ZNF782: variants seen among roughly 807,000 people sequenced by gnomAD.
ZNF782 encodes zinc finger protein 782.
ZNF782 carries 12 observed loss-of-function variants against 13.0 expected under a neutral mutation model. The observed-to-expected ratio is 0.92, with a 90% confidence interval of 0.59 to 1.50. The LOEUF is 1.50. ZNF782 is among the 40% of genes most tolerant of loss of function. The pLI is 0.00. For missense variants in ZNF782, 770 were observed against 822.9 expected (o/e 0.94, Z 0.79); for synonymous variants, 284 against 283.0 (o/e 1.00, Z -0.04).
chr9:96,880,119 T>C (rs549204549), upstream of ZNF782, among the ~76,000 whole-genome samples: 2 of 152,280 alleles, frequency 1.3e-5, no homozygotes, highest in African/African-American at 2.4e-5. Flanking sequence ...ATGGTTGATA[T>C]TTATGTGTTG....
chr9:96,819,250 A>C lies in ZNF782; in HGVS notation c.773T>G (p.Phe258Cys). 1 of 1,612,548 alleles carries C rather than the reference A, an allele frequency of 6.2e-7. No homozygotes were observed. Among genetic ancestry groups the C allele is most frequent in the Non-Finnish European group, 8.5e-7 (1 of 1,179,642 alleles). The change falls in exon 6 of 6, where the codon TTT becomes TGT. Residue 258 changes from phenylalanine (F) to cysteine (C), a missense_variant. Physicochemically the swap from Phe to Cys is radical, Grantham distance 205 (BLOSUM62 -2). Coordinates refer to ENST00000481138, the MANE Select transcript of ZNF782 (RefSeq NM_001001662.3). ...TGGATTCATGTTCTGAGGAATAATA[A>C]AGGTTGATTTATCATATTTGTTTTC... ...FGENKYDKSTFIIPQNMNPEK... is the reference protein window; with the variant it reads ...FGENKYDKSTCIIPQNMNPEK...
upstream of ZNF782, among the ~76,000 whole-genome samples, chr9:96,855,069 G>A (rs1033515821): frequency 2.0e-5 from 3 of 152,162 alleles, no homozygotes; most frequent in Non-Finnish European, 4.4e-5. Flanking sequence ...CTGTCCTGGC[G>A]CCCCCAGGCG....
chr9:96,925,351 A>T, the ZNF782 span, among the ~76,000 whole-genome samples: 1 of 151,888 alleles, frequency 6.6e-6, no homozygotes, highest in African/African-American at 2.4e-5. Context: ...GAAACGAGAG[A>T]GTCTGACCGG....
intron 5 of ZNF782, among the ~76,000 whole-genome samples, chr9:96,825,052 C>A (rs1422768839): frequency 1.3e-5 from 2 of 150,760 alleles, no homozygotes; most frequent in Non-Finnish European, 3.0e-5. Context: ...TTGGAAAAAA[C>A]TACTTTAAAG....
rs1851817924 is a variant in ZNF782 at position 96,870,908 on chromosome 9, C to T, written c.-457+4560G>A. ...ATTTTAAGCAAAAGCTTCTGGATAACATTTGCCATTCATATCCTCTGTAAG... is the reference window on the plus strand; with the variant it reads ...ATTTTAAGCAAAAGCTTCTGGATAATATTTGCCATTCATATCCTCTGTAAG... On this transcript the variant is annotated intron_variant, in intron 1 of 5. Coordinates refer to the ZNF782 transcript ENST00000498811. 1.3e-5 allele frequency among the ~76,000 whole-genome samples: 2 copies of T among 152,152 alleles called. 1 individual carries two copies. Among genetic ancestry groups the T allele is most frequent in the South Asian group, 4.1e-4 (2 of 4,832 alleles).
rs751847754 is a variant in ZNF782, at chr9:96,818,960, C to T, written c.1063G>A (p.Val355Ile). 8 of 1,614,090 alleles carry T rather than the reference C, an allele frequency of 5.0e-6. No individual in the cohort carries two copies. Among genetic ancestry groups the T allele is most frequent in the South Asian group, 2.2e-5 (2 of 91,066 alleles). ...ETFSYQSTFS[V>I]HQKVHIRAKP... ...GCCCTTATGTGAACCTTCTGATGTACACTGAAAGTTGACTGGTAGCTGAAT... is the reference window on the plus strand; with the variant it reads ...GCCCTTATGTGAACCTTCTGATGTATACTGAAAGTTGACTGGTAGCTGAAT... The change falls in exon 6 of 6, where the codon GTA becomes ATA. Residue 355 changes from valine (V) to isoleucine (I), a missense_variant. Physicochemically the swap from Val to Ile is conservative, Grantham distance 29. Transcript: ENST00000481138.
the ZNF782 span, among the ~76,000 whole-genome samples, chr9:96,912,512 G>A: frequency 1.4e-5 from 2 of 147,620 alleles, no homozygotes; most frequent in Non-Finnish European, 3.0e-5. Context: ...AAAGGCCAGA[G>A]ATAAAAGGCT....
intron 4 of ZNF782, among the ~76,000 whole-genome samples, chr9:96,831,904 T>A (rs1850815425): frequency 1.3e-5 from 2 of 152,150 alleles, no homozygotes; most frequent in Non-Finnish European, 2.9e-5. Flanking sequence ...ATTTTTTAAG[T>A]GAATTTCTTG....
chr9:96,874,428 A>G (rs1851867798), intron 1 of ZNF782, among the ~76,000 whole-genome samples: 1 of 152,168 alleles, frequency 6.6e-6, no homozygotes, highest in Non-Finnish European at 1.5e-5. Context: ...GGAGTTGTTT[A>G]GAGATGGAGG....
chr9:96,881,212 C>T, the ZNF782 span, among the ~76,000 whole-genome samples: 1 of 152,044 alleles, frequency 6.6e-6, no homozygotes, highest in African/African-American at 2.4e-5. Flanking sequence ...CCAAAACCCC[C>T]CACAACTTTT....
chr9:96,900,754 A>G, the ZNF782 span, among the ~76,000 whole-genome samples: 29 of 152,262 alleles, frequency 1.9e-4, no homozygotes, highest in Non-Finnish European at 4.3e-4. Flanking sequence ...ACAAAACAAA[A>G]CAAAACAAAC....
intron 3 of ZNF782, among the ~76,000 whole-genome samples, chr9:96,848,434 T>A (rs965549095): frequency 1.3e-5 from 2 of 152,164 alleles, no homozygotes; most frequent in African/African-American, 4.8e-5. Flanking sequence ...TCCAAAAGAC[T>A]CCTAGATTTG....
intron 4 of ZNF782, among the ~76,000 whole-genome samples, chr9:96,827,392 C>A (rs902159533): frequency 1.3e-5 from 2 of 151,916 alleles, no homozygotes; most frequent in Non-Finnish European, 2.9e-5. Flanking sequence ...TGCAGTGGTG[C>A]CACCATGGCT....
At chr9:96,920,938 T>C in the ZNF782 span, among the ~76,000 whole-genome samples, 1 of 139,036 alleles carries the variant, frequency 7.2e-6, no homozygotes, top group African/African-American at 3.3e-5. Flanking sequence ...TTTTATATTA[T>C]GGCACTGCCT....
chr9:96,820,542 C>CTT (rs375716425), intron 5 of ZNF782, among the ~76,000 whole-genome samples: 19 of 137,750 alleles, frequency 1.4e-4, no homozygotes, highest in South Asian at 2.3e-4. Context: ...AATAGTGAAT[C>CTT]TTTTTTTTTT....
intron 4 of ZNF782, among the ~76,000 whole-genome samples, chr9:96,838,408 T>C (rs1374429550): frequency 4.6e-5 from 7 of 152,348 alleles, no homozygotes; most frequent in East Asian, 3.9e-4. Context: ...AGGTCATTTA[T>C]ATCCTCAGCA....
chr9:96,879,419 C>T (rs1210517802), upstream of ZNF782, among the ~76,000 whole-genome samples: 1 of 152,200 alleles, frequency 6.6e-6, no homozygotes, highest in Admixed American at 6.5e-5. Context: ...AGGAGAATGG[C>T]GTGAACCCAG....
At chr9:96,867,262 G>A (rs1851767298) in intron 1 of ZNF782, among the ~76,000 whole-genome samples, 1 of 152,172 alleles carries the variant, frequency 6.6e-6, no homozygotes, top group Admixed American at 6.5e-5. Context: ...TCTTTCCCAT[G>A]CTGTTCTTGT....
At chr9:96,887,515 A>T in the ZNF782 span, 1 of 152,236 alleles carries the variant, frequency 6.6e-6, no homozygotes, top group East Asian at 1.9e-4. Context: ...ATACAACATT[A>T]TGCTGGATCT....
Sources: allele counts gnomAD v4.1 joint callset (sites outside exome capture counted in the v4.1 genomes callset), GRCh38; gene constraint gnomAD v4.1.1; transcripts MANE v1.5; gene names NCBI Gene and HGNC (gene_info 2026-07-23, HGNC 2026-07-21).